The following WWOX variants were observed in gnomAD, a reference collection of about 807,000 sequenced individuals.
WWOX encodes the protein WW domain containing oxidoreductase, also known as WW domain-containing oxidoreductase.
A neutral mutation model predicts 46.2 loss-of-function variants in WWOX; 69 were observed. The ratio of observed to expected loss-of-function variants is 1.49; its 90% CI spans 1.23 to 1.82. The LOEUF is 1.82. WWOX is among the 40% of genes most tolerant of loss of function. WWOX has a pLI of 0.00. For synonymous variants in WWOX, 359 were observed against 202.6 expected (o/e 1.77, Z -6.56); for missense variants, 919 against 542.6 (o/e 1.69, Z -6.89).
Position 79,177,318 on chromosome 16 carries a change from C to T in WWOX, c.1057-34290C>T, listed in dbSNP as rs577167292. 2.4e-3 allele frequency among the ~76,000 whole-genome samples: 371 copies of T among 152,236 alleles called. 3 individuals carry two copies. The highest frequency in any genetic ancestry group is 4.3e-3 in the Non-Finnish European group (293 of 68,034). Reference sequence around the variant, plus strand: ...CCTGGCCTCATTGCTCGCTTCGTTTCGGAGGAAATTTTCCCTGTTAAAGTA... The same window carrying T: ...CCTGGCCTCATTGCTCGCTTCGTTTTGGAGGAAATTTTCCCTGTTAAAGTA... On this transcript the variant is annotated intron_variant, in intron 8 of 8. Transcript: ENST00000566780.
intron 8 of WWOX, among the ~76,000 whole-genome samples, chr16:78,951,867 A>G (rs2046067087): frequency 2.0e-5 from 3 of 152,196 alleles, no homozygotes; most frequent in Non-Finnish European, 4.4e-5. Flanking sequence ...GCAGATAGCA[A>G]CACTCTTCAA....
chr16:78,484,900 A>G (rs1240866246), intron 8 of WWOX, among the ~76,000 whole-genome samples: 1 of 152,056 alleles, frequency 6.6e-6, no homozygotes, highest in East Asian at 1.9e-4. Flanking sequence ...GGCTGGGAGG[A>G]GGTCTTTCCA....
intron 8 of WWOX, among the ~76,000 whole-genome samples, chr16:78,468,535 A>C (rs944903789): frequency 6.6e-6 from 1 of 152,112 alleles, no homozygotes; most frequent in African/African-American, 2.4e-5. Flanking sequence ...CGGCCCTCTT[A>C]GAAGAGATTT....
chr16:78,656,840 A>C (rs918441500), intron 8 of WWOX, among the ~76,000 whole-genome samples: 3 of 152,092 alleles, frequency 2.0e-5, no homozygotes, highest in African/African-American at 7.2e-5. Flanking sequence ...TCTAGACTTG[A>C]TGTGTTTCAT....
chr16:78,905,467 A>T (rs1331032593), intron 8 of WWOX, among the ~76,000 whole-genome samples: 2 of 152,188 alleles, frequency 1.3e-5, no homozygotes, highest in Non-Finnish European at 1.5e-5. Context: ...CTGCAGACTC[A>T]ACCTCCTGGG....
intron 8 of WWOX, among the ~76,000 whole-genome samples, chr16:78,760,426 C>G (rs1026517745): frequency 4.0e-4 from 61 of 152,300 alleles, no homozygotes; most frequent in Non-Finnish European, 2.5e-4. Flanking sequence ...CTTAATCACA[C>G]TTGCATTTGA....
At chr16:78,113,262 A>G (rs1567577628) in intron 3 of WWOX, among the ~76,000 whole-genome samples, 2 of 152,188 alleles carry the variant, frequency 1.3e-5, no homozygotes, top group Non-Finnish European at 2.9e-5. Flanking sequence ...ATAGTCATCC[A>G]GGGGATCCTG....
intron 8 of WWOX, among the ~76,000 whole-genome samples, chr16:78,594,774 T>A (rs1279250526): frequency 6.6e-6 from 1 of 152,170 alleles, no homozygotes; most frequent in Non-Finnish European, 1.5e-5. Context: ...TTTATTTTAT[T>A]TAGCATTCAG....
intron 8 of WWOX, among the ~76,000 whole-genome samples, chr16:78,732,021 AAAC>A (rs1416726425): frequency 6.7e-6 from 1 of 150,148 alleles, no homozygotes; most frequent in Admixed American, 6.6e-5. Context: ...GAATTTAAAA[AAAC>A]AAACAAACAA....
intron 8 of WWOX, among the ~76,000 whole-genome samples, chr16:78,859,159 G>A (rs1158316680): frequency 6.7e-6 from 1 of 149,908 alleles, no homozygotes; most frequent in Non-Finnish European, 1.5e-5. Context: ...GAGACACTGG[G>A]GAGAACCCTC....
At chr16:78,706,028 A>G (rs2048320708) in intron 8 of WWOX, among the ~76,000 whole-genome samples, 1 of 142,482 alleles carries the variant, frequency 7.0e-6, no homozygotes, top group Non-Finnish European at 1.5e-5. Flanking sequence ...CTAATGACAC[A>G]TACTTTGTCT....
chr16:78,607,863 G>A (rs2045799925), intron 8 of WWOX, among the ~76,000 whole-genome samples: 1 of 152,098 alleles, frequency 6.6e-6, no homozygotes, highest in Non-Finnish European at 1.5e-5. Context: ...GGTACCTGCA[G>A]GGCTTAGGGT....
chr16:79,171,595 A>G (rs1274433748), intron 8 of WWOX, among the ~76,000 whole-genome samples: 1 of 152,146 alleles, frequency 6.6e-6, no homozygotes, highest in East Asian at 1.9e-4. Flanking sequence ...TGGGCTTACA[A>G]ATGCTCTTCA....
At chr16:78,209,505 C>T (rs2036493760) in intron 5 of WWOX, among the ~76,000 whole-genome samples, 1 of 152,176 alleles carries the variant, frequency 6.6e-6, no homozygotes, top group Non-Finnish European at 1.5e-5. Context: ...GAAACGTCTT[C>T]CTCCTTGACT....
chr16:78,101,774 A>G (rs1046549331), intron 1 of WWOX, among the ~76,000 whole-genome samples: 1 of 152,242 alleles, frequency 6.6e-6, no homozygotes, highest in South Asian at 2.1e-4. Flanking sequence ...TGATGAGTTC[A>G]TTCAAGACAC....
intron 8 of WWOX, among the ~76,000 whole-genome samples, chr16:79,014,844 C>G (rs2047381241): frequency 6.6e-6 from 1 of 152,158 alleles, no homozygotes; most frequent in Non-Finnish European, 1.5e-5. Flanking sequence ...ATCTGATTAT[C>G]TGATTCTCTT....
intron 8 of WWOX, among the ~76,000 whole-genome samples, chr16:79,008,428 G>T (rs1449664228): frequency 6.6e-6 from 1 of 152,112 alleles, no homozygotes; most frequent in Admixed American, 6.5e-5. Flanking sequence ...CTCCCCCTTT[G>T]CTTGGTAGCC....
At chr16:78,259,160 G>A (rs999275789) in intron 5 of WWOX, among the ~76,000 whole-genome samples, 1 of 152,250 alleles carries the variant, frequency 6.6e-6, no homozygotes, top group African/African-American at 2.4e-5. Context: ...TGCTTAATAA[G>A]TAAGCAGCTC....
intron 8 of WWOX, among the ~76,000 whole-genome samples, chr16:78,870,741 A>G (rs1364558432): frequency 1.3e-5 from 2 of 152,162 alleles, no homozygotes; most frequent in African/African-American, 4.8e-5. Flanking sequence ...AGCTGGGATT[A>G]CAGGTGCATG....
Sources: gnomAD v4.1 joint callset for allele counts (sites outside exome capture counted in the v4.1 genomes callset) on GRCh38, gnomAD v4.1.1 for gene constraint, MANE v1.5 for transcripts, NCBI Gene and HGNC (gene_info 2026-07-23, HGNC 2026-07-21) for gene names.